Variants in DNAJC21 observed in about 807,000 individuals in gnomAD.
The protein encoded by DNAJC21 is DnaJ heat shock protein family (Hsp40) member C21.
In DNAJC21, 63 loss-of-function variants were observed where a neutral mutation model predicts 72.4. The ratio of observed to expected loss-of-function variants is 0.87; its 90% CI spans 0.71 to 1.07. The LOEUF is 1.07. DNAJC21 is among the 50% of genes least tolerant of loss of function. The pLI, the probability that DNAJC21 is intolerant of heterozygous loss-of-function variation, is 0.00. For missense variants in DNAJC21, 634 were observed against 644.8 expected, an observed-to-expected ratio of 0.98 and a Z score of 0.18; for synonymous variants, 203 against 216.7, an observed-to-expected ratio of 0.94 and a Z score of 0.56.
chr5:34,938,984 A>G lies in DNAJC21; in HGVS notation c.870A>G (p.Glu290=), dbSNP rs146583500. The G allele has an allele frequency of 7.4e-6, 12 of 1,612,302 alleles. No individual in the cohort carries two copies. The African/African-American group carries it at 1.5e-4, about 20-fold the overall frequency. The change falls in exon 6 of 12, where the codon GAA becomes GAG. Residue 290 remains glutamate, a synonymous_variant. Coordinates refer to ENST00000648817, the MANE Select transcript of DNAJC21 (RefSeq NM_001012339.3). ...GATCGGATGAAAATGAAATGGAAGA[A>G]CATGAACTCAAAGATGAGGAGGATG... The part of the protein sequence containing the change: ...GDGSDENEME[E]HELKDEEDGK...
Position 34,944,818 on chromosome 5 carries a change from C to T in DNAJC21, c.984-49C>T, listed in dbSNP as rs773969068. 8 of 1,606,562 alleles carry T rather than the reference C, an allele frequency of 5.0e-6. No individual in the cohort carries two copies. The Admixed American group carries it at 1.2e-4, about 24-fold the overall frequency. ...CAGTTATCCAGCAACATTATCTGGACACGTGAACTAATTTTAGCGCAGCTG... is the reference window on the plus strand; with the variant it reads ...CAGTTATCCAGCAACATTATCTGGATACGTGAACTAATTTTAGCGCAGCTG... On this transcript the variant is annotated intron_variant, in intron 7 of 11. Coordinates refer to ENST00000648817, the MANE Select transcript of DNAJC21 (RefSeq NM_001012339.3).
chr5:34,937,252 C>A, intron 4 of DNAJC21, 74 bp from the exon 5 acceptor site: 1 of 1,437,184 alleles, frequency 7.0e-7, no homozygotes, highest in Non-Finnish European at 9.4e-7. Flanking sequence ...AGATGTTTCG[C>A]ATCAGTAATA....
At chr5:34,935,444 T>C (rs1375304640) in intron 2 of DNAJC21, among the ~76,000 whole-genome samples, 1 of 152,222 alleles carries the variant, frequency 6.6e-6, no homozygotes, top group Non-Finnish European at 1.5e-5. Context: ...GAGACAGTCA[T>C]GGAAATTCCT....
intron 11 of DNAJC21, chr5:34,954,206 A>G: frequency 2.0e-6 from 1 of 501,424 alleles, no homozygotes; most frequent in Non-Finnish European, 3.4e-6. Flanking sequence ...AGACTGTACC[A>G]GAACAGTTAC....
At chr5:34,949,275 G>A (rs1187612281) in intron 9 of DNAJC21, among the ~76,000 whole-genome samples, 2 of 151,894 alleles carry the variant, frequency 1.3e-5, no homozygotes, top group African/African-American at 2.4e-5. Flanking sequence ...ACCAAACAAA[G>A]CCAGATTATG....
Position 34,937,384 on chromosome 5 carries a change from G to A in DNAJC21, c.497G>A (p.Trp166Ter). 2 of 1,613,862 alleles carry A rather than the reference G, an allele frequency of 1.2e-6. No homozygotes were observed. Among genetic ancestry groups the A allele is most frequent in the Non-Finnish European group, 1.7e-6 (2 of 1,179,974 alleles). Residue 166 changes from tryptophan to a stop codon, truncating the protein, a stop_gained, in exon 5 of 12, where the codon TGG (tryptophan) becomes TAG (stop). Coordinates refer to ENST00000648817, the MANE Select transcript of DNAJC21 (RefSeq NM_001012339.3). LOFTEE classifies it high-confidence loss of function. ...TTCTGCACTCAAAAGAATTTTGCATGGAAGGAAGAATATGATACACGACAG... is the reference window on the plus strand; with the variant it reads ...TTCTGCACTCAAAAGAATTTTGCATAGAAGGAAGAATATGATACACGACAG... ...QSFCTQKNFAWKEEYDTRQAS... is the reference protein window; with the variant it reads ...QSFCTQKNFA
At position 34,956,595 on chromosome 5, in the gene DNAJC21, C is replaced by A. The variant is rs1250675603; in HGVS notation, c.*1881C>A. 2 of 152,176 alleles carry A rather than the reference C, an allele frequency of 1.3e-5. No individual in the cohort carries two copies. Among genetic ancestry groups the A allele is most frequent in the Non-Finnish European group, 2.9e-5 (2 of 68,034 alleles). 9.4% of individuals were successfully genotyped at this position (152,176 alleles called of 1,614,324 possible). Reference sequence around the variant, plus strand: ...CATACTAGTCACATGTTATTATACACTAAAAAATAGGAAGTCATCTTGAAA... The same window carrying A: ...CATACTAGTCACATGTTATTATACAATAAAAAATAGGAAGTCATCTTGAAA... On this transcript the variant is annotated 3_prime_UTR_variant, in exon 12 of 12. Transcript: ENST00000648817.
chr5:34,949,253 C>A (rs1390497753), intron 9 of DNAJC21, among the ~76,000 whole-genome samples: 1 of 152,062 alleles, frequency 6.6e-6, no homozygotes, highest in Non-Finnish European at 1.5e-5. Flanking sequence ...TGAATCTGAT[C>A]ATTTGGAAAC....
intron 7 of DNAJC21, 49 bp downstream of exon 7, chr5:34,941,232 C>CT: frequency 5.9e-6 from 9 of 1,532,950 alleles, no homozygotes; most frequent in Non-Finnish European, 8.1e-6. Flanking sequence ...GGGTCTCACT[C>CT]TGTCACCAAG....
Position 34,937,529 on chromosome 5 carries a change from TAA to T in DNAJC21, c.645_646del (p.Arg216SerfsTer69). 2 of 1,613,976 alleles carry T rather than the reference TAA, an allele frequency of 1.2e-6. No individual in the cohort carries two copies. The highest frequency in any genetic ancestry group is 1.7e-6 in the Non-Finnish European group (2 of 1,179,920). On this transcript the variant is annotated frameshift_variant, in exon 5 of 12. Transcript: ENST00000648817. LOFTEE classifies it high-confidence loss of function. ...QLVAFIRKRDKRVQAHRKLVE... is the reference protein window; with the variant it reads ...QLVAFIRKRDXRVQAHRKLVE... ...TGGTAGCTTTCATTCGTAAAAGAGA[TAA>T]AAGAGTGCAGGCGCATCGAAAACTT...
At chr5:34,941,309 C>T (rs1764981603) in intron 7 of DNAJC21, 126 bp downstream of exon 7, 1 of 815,742 alleles carries the variant, frequency 1.2e-6, no homozygotes, top group African/African-American at 1.7e-5. Context: ...ATGATCCTCC[C>T]ATGTCAGCCT....
intron 1 of DNAJC21, among the ~76,000 whole-genome samples, chr5:34,931,063 A>C (rs1167324972): frequency 6.6e-6 from 1 of 152,148 alleles, no homozygotes; most frequent in Non-Finnish European, 1.5e-5. Flanking sequence ...AGGACAAAAG[A>C]TGTTCCGGGG....
intron 1 of DNAJC21, among the ~76,000 whole-genome samples, chr5:34,930,937 G>A (rs181511644): frequency 1.3e-5 from 2 of 152,348 alleles, no homozygotes; most frequent in East Asian, 3.9e-4. Flanking sequence ...CAGGAATTCA[G>A]GGAGGGAGTT....
At chr5:34,942,197 A>G (rs976872325) in intron 7 of DNAJC21, among the ~76,000 whole-genome samples, 8 of 152,182 alleles carry the variant, frequency 5.3e-5, no homozygotes, top group Admixed American at 5.2e-4. Context: ...TCATTGTCCC[A>G]TGCAGGCTGA....
intron 9 of DNAJC21, 116 bp downstream of exon 9, chr5:34,945,919 A>G: frequency 1.5e-6 from 1 of 673,222 alleles, no homozygotes; most frequent in South Asian, 4.0e-5. Context: ...TTTTATGTTG[A>G]TTGTAAGATT....
Position 34,929,856 on chromosome 5 carries a change from G to C in DNAJC21, c.37G>C (p.Asp13His). ...CTATGAGGCGCTGGGGGTGCGGCGCGACGCCAGCGAGGAGGAGCTCAAGAA... is the reference window on the plus strand; with the variant it reads ...CTATGAGGCGCTGGGGGTGCGGCGCCACGCCAGCGAGGAGGAGCTCAAGAA... ...CHYEALGVRR[D>H]ASEEELKKAY... The change falls in exon 1 of 12, where the codon GAC (aspartate) becomes CAC (histidine). Residue 13 changes from aspartate to histidine, a missense_variant. Asp to His is a moderately conservative substitution (Grantham distance 81). Transcript: ENST00000648817. The C allele has an allele frequency of 6.3e-7, 1 of 1,578,372 alleles. No homozygotes were observed. The highest frequency in any genetic ancestry group is 8.6e-7 in the Non-Finnish European group (1 of 1,163,096).
At position 34,954,830 on chromosome 5, in the gene DNAJC21, ATTAT is replaced by A; in HGVS notation, c.*119_*122del. On this transcript the variant is annotated 3_prime_UTR_variant, in exon 12 of 12. Coordinates refer to ENST00000648817, the MANE Select transcript of DNAJC21 (RefSeq NM_001012339.3). ...TCTGCAATTAATTACATTGTGGAAG[ATTAT>A]TTTTTATCTTGTAAAAACACTTTTT... is the stretch of plus-strand genomic sequence containing the variant. 1 of 1,162,870 alleles carries A rather than the reference ATTAT, an allele frequency of 8.6e-7. No homozygotes were observed. The highest frequency in any genetic ancestry group is 1.1e-6 in the Non-Finnish European group (1 of 874,638). The allele number at this position is 1,162,870 out of a possible 1,614,324, so 72.0% of individuals were successfully genotyped here. A position where few individuals can be genotyped will look rare whatever the true frequency, so the allele number is the denominator to read the frequency against.
chr5:34,950,207 A>G lies in DNAJC21; in HGVS notation c.1223A>G (p.Glu408Gly). 2 of 1,610,288 alleles carry G rather than the reference A, an allele frequency of 1.2e-6. No individual in the cohort carries two copies. Among genetic ancestry groups the G allele is most frequent in the Non-Finnish European group, 1.7e-6 (2 of 1,178,840 alleles). ...DDNFNVNGPGEGVKVDPEDTN... is the reference protein window; with the variant it reads ...DDNFNVNGPGGGVKVDPEDTN... ...AATTTCAATGTAAATGGACCTGGAG[A>G]AGGAGTAAAGGTTGATCCAGAAGAT... is the stretch of plus-strand genomic sequence containing the variant. The change falls in exon 10 of 12, where the codon GAA (glutamate) becomes GGA (glycine). Residue 408 changes from glutamate (E) to glycine (G), a missense_variant. Coordinates refer to ENST00000648817, the MANE Select transcript of DNAJC21 (RefSeq NM_001012339.3).
intron 7 of DNAJC21, 29 bp downstream of exon 7, chr5:34,941,212 T>G: frequency 6.3e-7 from 1 of 1,598,524 alleles, no homozygotes; most frequent in African/African-American, 1.3e-5. Flanking sequence ...TTTAATTTAA[T>G]TTTGAGACAG....
Sources: gnomAD v4.1 joint callset for allele counts (sites outside exome capture counted in the v4.1 genomes callset) on GRCh38, gnomAD v4.1.1 for gene constraint, MANE v1.5 for transcripts, NCBI Gene and HGNC (gene_info 2026-07-23, HGNC 2026-07-21) for gene names.